Variants in RTN1 observed in about 807,000 individuals in gnomAD.
RTN1 encodes the protein reticulon 1.
Under a neutral mutation model 65.5 loss-of-function variants are expected in RTN1, and 25 were observed. The observed-to-expected ratio is 0.38, with a 90% CI of 0.28 to 0.53. The LOEUF (loss-of-function observed/expected upper bound fraction) is 0.53. Ranked by LOEUF, RTN1 falls within the 20% of genes least tolerant of loss-of-function variation. The pLI, the probability that RTN1 is intolerant of heterozygous loss-of-function variation, is 0.79. For synonymous variants in RTN1, 471 were observed against 447.6 expected (o/e 1.05, Z -0.66); for missense variants, 983 against 1,025.4 (o/e 0.96, Z 0.57).
rs1321959700 is a variant in RTN1 at position 59,672,627 on chromosome 14, T to C, written c.1765+54292A>G. 1.3e-3 allele frequency among the ~76,000 whole-genome samples: 116 copies of C among 90,608 alleles called. 4 individuals are homozygous for C. The South Asian group carries it at 0.05, about 39-fold the overall frequency. 59.4% of individuals were successfully genotyped at this position (90,608 alleles called of 152,430 possible). A position where few individuals can be genotyped will look rare whatever the true frequency, so the allele number is the denominator to read the frequency against. ...GAATGAATGAATACAAGATATTTCT[T>C]TTTTTTTTTTTTTTTTTTTTTTTTG... is the stretch of plus-strand genomic sequence containing the variant. On this transcript the variant is annotated intron_variant, in intron 3 of 8. Transcript: ENST00000267484.
At position 59,846,725 on chromosome 14, in the gene RTN1, A is replaced by C. The variant is rs1368028969; in HGVS notation, c.241+23665T>G. On this transcript the variant is annotated intron_variant, in intron 1 of 8. Coordinates refer to ENST00000267484, the MANE Select transcript of RTN1 (RefSeq NM_021136.3). This position sits in a 1 kb window ranked among gnomAD's most constrained non-coding sequence, Gnocchi z 4.8. ...TGTTTTGAATGGCTTACTACTGGAGAAAATGGACTTTGTGTAGTCTGGCTC... is the reference window on the plus strand; with the variant it reads ...TGTTTTGAATGGCTTACTACTGGAGCAAATGGACTTTGTGTAGTCTGGCTC... Among the ~76,000 whole-genome samples the C allele has an allele frequency of 6.6e-6, 1 of 152,086 alleles. No homozygotes were observed. Among genetic ancestry groups the C allele is most frequent in the Non-Finnish European group, 1.5e-5 (1 of 68,026 alleles).
intron 2 of RTN1, among the ~76,000 whole-genome samples, chr14:59,735,929 C>G (rs1884992929): frequency 6.6e-6 from 1 of 152,168 alleles, no homozygotes; most frequent in Admixed American, 6.5e-5. Flanking sequence ...AAACAGCATG[C>G]TCCTGAATCT....
At chr14:59,605,629 G>A (rs1438898274) in intron 4 of RTN1, 123 bp from the exon 5 acceptor site, 8 of 1,001,032 alleles carry the variant, frequency 8.0e-6, no homozygotes, top group South Asian at 3.2e-5. Context: ...AGTCATCTCT[G>A]GGGGGTTATG....
intron 1 of RTN1, among the ~76,000 whole-genome samples, chr14:59,750,185 A>ATTATAT (rs1566713268): frequency 4.6e-5 from 1 of 21,896 alleles, no homozygotes; most frequent in African/African-American, 2.9e-4. Context: ...AATATATAAT[A>ATTATAT]CATATATTAT....
intron 3 of RTN1, among the ~76,000 whole-genome samples, chr14:59,640,400 T>C (rs963141607): frequency 1.6e-4 from 25 of 152,204 alleles, no homozygotes; most frequent in Admixed American, 6.5e-5. Flanking sequence ...CACTGAAGCC[T>C]CCACCTCCCA....
rs1430585266 is a variant in RTN1, at chr14:59,829,913, T to A, written c.241+40477A>T. Among the ~76,000 whole-genome samples, 2 of 152,178 alleles carry A rather than the reference T, an allele frequency of 1.3e-5. No homozygotes were observed. The highest frequency in any genetic ancestry group is 4.8e-5 in the African/African-American group (2 of 41,426). On this transcript the variant is annotated intron_variant, in intron 1 of 8. Coordinates refer to ENST00000267484, the MANE Select transcript of RTN1 (RefSeq NM_021136.3). The surrounding 1 kb of genome is among the most constrained non-coding windows in gnomAD (Gnocchi z 4.3). Reference sequence around the variant, plus strand: ...ATATTTCTCAAATAGCATTCATGAATATTGTACCCAAGGACACAAACTGTA... The same window carrying A: ...ATATTTCTCAAATAGCATTCATGAAAATTGTACCCAAGGACACAAACTGTA...
At chr14:59,635,016 C>G (rs1054752880) in intron 3 of RTN1, among the ~76,000 whole-genome samples, 1 of 152,126 alleles carries the variant, frequency 6.6e-6, no homozygotes, top group Admixed American at 6.5e-5. Flanking sequence ...AATAATTTAT[C>G]CAAATTTGCA....
intron 3 of RTN1, among the ~76,000 whole-genome samples, chr14:59,672,431 T>G (rs1280043856): frequency 2.0e-5 from 3 of 152,148 alleles, no homozygotes; most frequent in Non-Finnish European, 4.4e-5. Context: ...ATAATTATTA[T>G]GCTTTTACTA....
intron 1 of RTN1, among the ~76,000 whole-genome samples, chr14:59,851,258 T>C (rs1021896367): frequency 6.6e-6 from 1 of 152,200 alleles, no homozygotes; most frequent in African/African-American, 2.4e-5. Flanking sequence ...AATCATTATG[T>C]GTTAAATAAT....
chr14:59,866,502 A>C (rs1312740268), intron 1 of RTN1, among the ~76,000 whole-genome samples: 1 of 151,750 alleles, frequency 6.6e-6, no homozygotes, highest in Non-Finnish European at 1.5e-5. Context: ...GAAAGCCTTT[A>C]TAATATTTAT....
At chr14:59,681,896 T>C in intron 3 of RTN1, among the ~76,000 whole-genome samples, 1 of 152,206 alleles carries the variant, frequency 6.6e-6, no homozygotes, top group South Asian at 2.1e-4. Flanking sequence ...TCCTCTCAGC[T>C]GCTACAGCTT....
chr14:59,717,001 A>G (rs1378977009), intron 3 of RTN1, among the ~76,000 whole-genome samples: 2 of 151,906 alleles, frequency 1.3e-5, no homozygotes, highest in African/African-American at 4.8e-5. Flanking sequence ...AAAAAAAAAA[A>G]AAGAAGTAGA....
At chr14:59,865,190 T>C (rs768914900) in intron 1 of RTN1, among the ~76,000 whole-genome samples, 1 of 152,204 alleles carries the variant, frequency 6.6e-6, no homozygotes, top group Non-Finnish European at 1.5e-5. Flanking sequence ...AACACATTCT[T>C]AGATTCTACC....
At position 59,870,029 on chromosome 14, in the gene RTN1, C is replaced by A. The variant is rs1193324649; in HGVS notation, c.241+361G>T. 6.6e-6 allele frequency among the ~76,000 whole-genome samples: 1 copy of A among 152,186 alleles called. No individual in the cohort carries two copies. The highest frequency in any genetic ancestry group is 1.5e-5 in the Non-Finnish European group (1 of 68,030). ...ACACGCCCCCCAAAATCCCCACAAC[C>A]TGTCAAACGGGCCCTACAGCTCGGA... On this transcript the variant is annotated intron_variant, in intron 1 of 8. Coordinates refer to ENST00000267484, the MANE Select transcript of RTN1 (RefSeq NM_021136.3). The surrounding 1 kb of genome is among the most constrained non-coding windows in gnomAD (Gnocchi z 5.1).
intron 3 of RTN1, among the ~76,000 whole-genome samples, chr14:59,699,582 G>A (rs986545712): frequency 7.9e-5 from 12 of 152,148 alleles, no homozygotes; most frequent in African/African-American, 2.7e-4. Flanking sequence ...TGTAGCTCTT[G>A]GCCAGAGATT....
At chr14:59,597,001 T>C (rs552861436) in intron 8 of RTN1, among the ~76,000 whole-genome samples, 29 of 152,236 alleles carry the variant, frequency 1.9e-4, no homozygotes, top group African/African-American at 6.0e-4. Context: ...AAAAAGAGAA[T>C]TGGAAGAAAG....
chr14:59,841,716 C>CA lies in RTN1; in HGVS notation c.241+28673dup, dbSNP rs67435104. On this transcript the variant is annotated intron_variant, in intron 1 of 8. Coordinates refer to ENST00000267484, the MANE Select transcript of RTN1 (RefSeq NM_021136.3). ...AGCGAGACTCCATTAAAAAAAAAAA[C>CA]AAAAAAAAAAACAGCAGACTCTAGA... Among the ~76,000 whole-genome samples, 329 of 136,844 alleles carry CA rather than the reference C, an allele frequency of 2.4e-3. 4 individuals carry two copies. Among genetic ancestry groups the CA allele is most frequent in the South Asian group, 0.013 (56 of 4,374 alleles). 89.8% of individuals were successfully genotyped at this position (136,844 alleles called of 152,430 possible).
At chr14:59,630,788 T>C (rs1469383256) in intron 3 of RTN1, 4 of 1,045,192 alleles carry the variant, frequency 3.8e-6, no homozygotes, top group Non-Finnish European at 4.6e-6. Context: ...CCAAGGGTGC[T>C]ACCCTGGAGA....
At chr14:59,739,999 C>A (rs1186804432) in intron 2 of RTN1, among the ~76,000 whole-genome samples, 1 of 152,196 alleles carries the variant, frequency 6.6e-6, no homozygotes, top group Non-Finnish European at 1.5e-5. Context: ...CCTGATGCTG[C>A]GTTGTTCTGG....
Sources: allele counts gnomAD v4.1 joint callset (sites outside exome capture counted in the v4.1 genomes callset), GRCh38; gene constraint gnomAD v4.1.1; non-coding constraint Gnocchi (gnomAD v3.1); transcripts MANE v1.5; gene names NCBI Gene and HGNC (gene_info 2026-07-23, HGNC 2026-07-21).